The following ZNF280D variants were observed in gnomAD, a reference collection of about 807,000 sequenced individuals.
ZNF280D encodes the protein zinc finger protein 280D.
ZNF280D carries 39 observed loss-of-function variants against 94.7 expected under a neutral mutation model. That is an observed-to-expected ratio of 0.41 (90% confidence interval 0.32 to 0.54). ZNF280D has a LOEUF of 0.54. ZNF280D is among the 20% of genes least tolerant of loss of function. ZNF280D has a pLI of 0.22. For synonymous variants in ZNF280D, 398 were observed against 377.6 expected (o/e 1.05, Z -0.63); for missense variants, 1,090 against 1,149.3 (o/e 0.95, Z 0.75).
chr15:56,642,875 G>A, intron 20 of ZNF280D, 77 bp downstream of exon 20: 1 of 1,123,990 alleles, frequency 8.9e-7, no homozygotes, highest in Non-Finnish European at 1.2e-6. Flanking sequence ...TGCTGAAATT[G>A]AAAAAAAATT....
At chr15:56,700,690 T>C (rs1178465753) in intron 6 of ZNF280D, 3 of 1,427,566 alleles carry the variant, frequency 2.1e-6, no homozygotes, top group Admixed American at 6.0e-5. Flanking sequence ...ATAGTATAGT[T>C]TTCATTACTG....
intron 20 of ZNF280D, among the ~76,000 whole-genome samples, chr15:56,638,145 C>T (rs2052445676): frequency 6.6e-6 from 1 of 152,058 alleles, no homozygotes; most frequent in African/African-American, 2.4e-5. Flanking sequence ...GTATTCGTTT[C>T]CAGTAATAAA....
intron 19 of ZNF280D, among the ~76,000 whole-genome samples, chr15:56,644,811 T>C (rs1179698011): frequency 2.6e-5 from 4 of 152,160 alleles, no homozygotes; most frequent in Non-Finnish European, 5.9e-5. Context: ...GAGGTTTTTA[T>C]CACTCTTTAT....
chr15:56,729,170 C>T (rs575121993), intron 1 of ZNF280D, among the ~76,000 whole-genome samples: 1 of 152,272 alleles, frequency 6.6e-6, no homozygotes, highest in East Asian at 1.9e-4. Context: ...TGCAGATCTA[C>T]ACAGAGATTG....
At chr15:56,666,285 T>C (rs1246940387) in intron 16 of ZNF280D, 110 bp downstream of exon 16, 37 of 1,128,830 alleles carry the variant, frequency 3.3e-5, no homozygotes, top group Admixed American at 2.4e-5. Flanking sequence ...TAGATCCTTT[T>C]AGCTCCTTGA....
chr15:56,654,082 A>G, intron 19 of ZNF280D, 116 bp downstream of exon 19: 1 of 1,511,304 alleles, frequency 6.6e-7, no homozygotes, highest in Middle Eastern at 2.2e-4. Flanking sequence ...TTAAAAAAAA[A>G]ACAAAAAAAC....
intron 1 of ZNF280D, among the ~76,000 whole-genome samples, chr15:56,721,069 T>C (rs1327332166): frequency 6.6e-6 from 1 of 151,828 alleles, no homozygotes; most frequent in Non-Finnish European, 1.5e-5. Context: ...TTCAAGTGAT[T>C]CTTGTGCCTC....
At position 56,707,067 on chromosome 15, in the gene ZNF280D, G is replaced by T; in HGVS notation, c.28+15C>A. On this transcript the variant is annotated intron_variant, in intron 3 of 21. Coordinates refer to ENST00000267807, the MANE Select transcript of ZNF280D (RefSeq NM_017661.4). Reference sequence around the variant, plus strand: ...AGCCACATATATTAGTATTAGTTGTGGCAGCAACACTTACTTTTTGGTTGA... The same window carrying T: ...AGCCACATATATTAGTATTAGTTGTTGCAGCAACACTTACTTTTTGGTTGA... 6.2e-7 allele frequency: 1 copy of T among 1,613,196 alleles called. No individual in the cohort carries two copies. Among genetic ancestry groups the T allele is most frequent in the Non-Finnish European group, 8.5e-7 (1 of 1,179,350 alleles).
intron 19 of ZNF280D, 114 bp downstream of exon 19, chr15:56,654,084 C>CAAAAAAAA: frequency 1.4e-6 from 2 of 1,461,460 alleles, no homozygotes; most frequent in Admixed American, 2.6e-5. Context: ...AAAAAAAAAA[C>CAAAAAAAA]AAAAAAACAA....
At chr15:56,723,455 T>G (rs1254132766) in intron 1 of ZNF280D, among the ~76,000 whole-genome samples, 2 of 152,320 alleles carry the variant, frequency 1.3e-5, no homozygotes, top group African/African-American at 4.8e-5. Context: ...ATGGAATTAG[T>G]GTTGACAGTT....
intron 1 of ZNF280D, among the ~76,000 whole-genome samples, chr15:56,723,952 G>T (rs1302417631): frequency 6.6e-6 from 1 of 152,110 alleles, no homozygotes; most frequent in Non-Finnish European, 1.5e-5. Context: ...ATTAGCCTGT[G>T]GTTGGGCAAA....
intron 13 of ZNF280D, among the ~76,000 whole-genome samples, chr15:56,670,748 T>A (rs1474725151): frequency 1.3e-5 from 2 of 152,050 alleles, no homozygotes; most frequent in African/African-American, 4.8e-5. Context: ...TCTCTAGGTC[T>A]TCAAGGAATT....
chr15:56,679,794 C>G (rs540724514), intron 10 of ZNF280D, among the ~76,000 whole-genome samples: 9 of 152,180 alleles, frequency 5.9e-5, no homozygotes, highest in Non-Finnish European at 1.3e-4. Context: ...ATATATACCT[C>G]TTTTCACAAA....
At chr15:56,637,350 A>T (rs371456865) in intron 20 of ZNF280D, among the ~76,000 whole-genome samples, 7 of 147,912 alleles carry the variant, frequency 4.7e-5, no homozygotes, top group African/African-American at 1.7e-4. Flanking sequence ...AGTTAAAAAC[A>T]TTTTTTTTTT....
intron 19 of ZNF280D, among the ~76,000 whole-genome samples, chr15:56,651,794 C>A (rs1281225888): frequency 6.6e-6 from 1 of 151,094 alleles, no homozygotes; most frequent in African/African-American, 2.4e-5. Context: ...TTGTTTTTCC[C>A]CCCAAATATT....
At chr15:56,659,739 C>T (rs976356217) in intron 16 of ZNF280D, among the ~76,000 whole-genome samples, 1 of 151,870 alleles carries the variant, frequency 6.6e-6, no homozygotes, top group Non-Finnish European at 1.5e-5. Flanking sequence ...ACCCCTCAAC[C>T]TACAAAGGGC....
chr15:56,639,164 T>C (rs2052499100), intron 20 of ZNF280D, among the ~76,000 whole-genome samples: 1 of 151,476 alleles, frequency 6.6e-6, no homozygotes, highest in African/African-American at 2.4e-5. Flanking sequence ...GTTACAGAGC[T>C]CTTCAAAATT....
intron 16 of ZNF280D, among the ~76,000 whole-genome samples, chr15:56,659,268 T>G (rs1336631652): frequency 1.3e-5 from 2 of 150,738 alleles, no homozygotes; most frequent in Non-Finnish European, 3.0e-5. Context: ...TTGTAGCCCA[T>G]GATAATAGCT....
At chr15:56,724,682 T>G (rs1393009039) in intron 1 of ZNF280D, among the ~76,000 whole-genome samples, 1 of 152,220 alleles carries the variant, frequency 6.6e-6, no homozygotes, top group Non-Finnish European at 1.5e-5. Context: ...AAAGAAGTAT[T>G]TGTTCTGATG....
Sources: allele counts gnomAD v4.1 joint callset (sites outside exome capture counted in the v4.1 genomes callset), GRCh38; gene constraint gnomAD v4.1.1; transcripts MANE v1.5; gene names NCBI Gene and HGNC (gene_info 2026-07-23, HGNC 2026-07-21).